MPZL1: variants seen among roughly 807,000 people sequenced by gnomAD.
The protein encoded by MPZL1 is myelin protein zero like 1.
MPZL1 carries 16 observed loss-of-function variants against 29.3 expected under a neutral mutation model. The observed-to-expected ratio is 0.55, with a 90% CI of 0.37 to 0.83. The LOEUF is 0.83. Among genes scored for constraint, MPZL1 ranks in the 40% least tolerant of loss-of-function variants. MPZL1 has a pLI of 0.00. For missense variants in MPZL1, 279 were observed against 332.9 expected, an observed-to-expected ratio of 0.84 and a Z score of 1.26; for synonymous variants, 143 against 132.0, an observed-to-expected ratio of 1.08 and a Z score of -0.57.
In MPZL1 at chr1:167,772,412, C is replaced by T; in HGVS notation, c.396C>T (p.Thr132=). The T allele has an allele frequency of 4.3e-6, 7 of 1,614,130 alleles. No individual in the cohort carries two copies. Among genetic ancestry groups the T allele is most frequent in the Non-Finnish European group, 5.9e-6 (7 of 1,179,992 alleles). Residue 132 remains threonine (T), a synonymous_variant, in exon 3 of 6, where the codon ACC becomes ACT. Coordinates refer to ENST00000359523, the MANE Select transcript of MPZL1 (RefSeq NM_003953.6). ...IENMQFIHNG[T]YICDVKNPPD... ...ATATGCAGTTTATACACAATGGCAC[C>T]TATATCTGTGATGTCAAAAACCCTC...
At chr1:167,739,322 T>TACA (rs1491460804) in intron 1 of MPZL1, among the ~76,000 whole-genome samples, 2 of 139,566 alleles carry the variant, frequency 1.4e-5, no homozygotes, top group East Asian at 2.0e-4. Flanking sequence ...CATATATATA[T>TACA]TTATGTTTAT....
Position 167,722,173 on chromosome 1 carries a change from G to T in MPZL1, c.22G>T (p.Gly8Trp). The change falls in exon 1 of 6, where the codon GGG becomes TGG. Residue 8 changes from glycine (G) to tryptophan (W), a missense_variant. Coordinates refer to ENST00000359523, the MANE Select transcript of MPZL1 (RefSeq NM_003953.6). MAASAGA[G>W]AVIAAPDSRR... is the part of the protein sequence containing the mutation. ...GACGATGGCAGCGTCCGCCGGAGCC[G>T]GGGCGGTGATTGCAGCCCCAGACAG... 8.1e-7 allele frequency: 1 copy of T among 1,237,456 alleles called. No individual in the cohort carries two copies. 76.7% of individuals were successfully genotyped at this position (1,237,456 alleles called of 1,614,324 possible). A position where few individuals can be genotyped will look rare whatever the true frequency, so the allele number is the denominator to read the frequency against.
chr1:167,726,873 C>A (rs1432840165), intron 1 of MPZL1, among the ~76,000 whole-genome samples: 1 of 152,176 alleles, frequency 6.6e-6, no homozygotes, highest in Non-Finnish European at 1.5e-5. Context: ...TGAACACCTA[C>A]TGGGCACAAG....
intron 1 of MPZL1, among the ~76,000 whole-genome samples, chr1:167,740,429 C>T (rs1265557175): frequency 6.6e-6 from 1 of 152,204 alleles, no homozygotes; most frequent in Non-Finnish European, 1.5e-5. Context: ...ATTAGTTCTT[C>T]CCTATAGCCA....
chr1:167,780,129 G>A (rs1007888329), intron 5 of MPZL1, among the ~76,000 whole-genome samples: 6 of 151,876 alleles, frequency 4.0e-5, no homozygotes, highest in Admixed American at 2.0e-4. Context: ...AAACTTTAAT[G>A]TAATCATTTC....
At chr1:167,781,445 T>C (rs1395591462) in intron 5 of MPZL1, among the ~76,000 whole-genome samples, 1 of 152,082 alleles carries the variant, frequency 6.6e-6, no homozygotes, top group Non-Finnish European at 1.5e-5. Context: ...AACAGAAAGA[T>C]ACCTGGAAAG....
intron 1 of MPZL1, among the ~76,000 whole-genome samples, chr1:167,763,403 C>T (rs1227249876): frequency 6.6e-6 from 1 of 151,510 alleles, no homozygotes; most frequent in African/African-American, 2.4e-5. Flanking sequence ...GTAATCCCAG[C>T]TACTCGGGAG....
chr1:167,783,568 T>C (rs774728216), intron 5 of MPZL1, among the ~76,000 whole-genome samples: 17 of 152,250 alleles, frequency 1.1e-4, no homozygotes, highest in Non-Finnish European at 2.1e-4. Context: ...AAGAAGTAGT[T>C]ATGTGCGTTT....
rs1661283163 is a variant in MPZL1, at chr1:167,772,965, C to T, written c.473-271C>T. ...AGTCTGTTTTGTTGGAGAGTAGATC[C>T]AGGTAAATTCACACCTCCGGTTTTT... On this transcript the variant is annotated intron_variant, in intron 3 of 5. Transcript: ENST00000359523. Among the ~76,000 whole-genome samples, 3 of 152,104 alleles carry T rather than the reference C, an allele frequency of 2.0e-5. No individual in the cohort carries two copies. In the South Asian group the frequency reaches 6.2e-4, roughly 31 times the overall value.
rs146915223 is a variant in MPZL1 at position 167,732,309 on chromosome 1, G to A, written c.91+10067G>A. Among the ~76,000 whole-genome samples the A allele has an allele frequency of 3.6e-3, 555 of 152,278 alleles. 5 individuals carry two copies. The highest frequency in any genetic ancestry group is 0.013 in the African/African-American group (521 of 41,546). ...CAACATGGCAAAACTGCATCTTTGG[G>A]AAGATTGCTTAGGAGTGGAGGCTGA... On this transcript the variant is annotated intron_variant, in intron 1 of 5. Transcript: ENST00000359523.
At chr1:167,770,725 C>T (rs1661221659) in intron 2 of MPZL1, among the ~76,000 whole-genome samples, 1 of 152,216 alleles carries the variant, frequency 6.6e-6, no homozygotes, top group South Asian at 2.1e-4. Flanking sequence ...ACTGGAAGAA[C>T]ATTGGCTTTG....
intron 5 of MPZL1, among the ~76,000 whole-genome samples, chr1:167,777,686 C>A (rs2101794684): frequency 6.6e-6 from 1 of 152,268 alleles, no homozygotes; most frequent in East Asian, 1.9e-4. Context: ...CTCTCTGAAA[C>A]CAGGGGAAGA....
intron 1 of MPZL1, among the ~76,000 whole-genome samples, chr1:167,729,493 T>C (rs1660221345): frequency 1.3e-5 from 2 of 152,206 alleles, no homozygotes; most frequent in African/African-American, 2.4e-5. Flanking sequence ...CAGTGTCTAA[T>C]AGTTATTCTC....
intron 1 of MPZL1, among the ~76,000 whole-genome samples, chr1:167,739,266 CATATATACATATATACATATATATATAT>C (rs879597855): frequency 0.014 from 1,354 of 97,166 alleles, 29 homozygotes; most frequent in Non-Finnish European, 0.017. Context: ...CATACACATA[CATATATACATATATACATATATATATAT>C]ATATATATAT....
rs1015310760 is a variant in MPZL1, at chr1:167,789,916, C to T, written c.*1995C>T. Reference sequence around the variant, plus strand: ...AACTATAGGAGCCTTTGGAAGGCCTCTTATGTTTGGAGGGGAAGGGTGTTG... The same window carrying T: ...AACTATAGGAGCCTTTGGAAGGCCTTTTATGTTTGGAGGGGAAGGGTGTTG... On this transcript the variant is annotated 3_prime_UTR_variant, in exon 6 of 6. Coordinates refer to ENST00000359523, the MANE Select transcript of MPZL1 (RefSeq NM_003953.6). 2 of 152,096 alleles carry T rather than the reference C, an allele frequency of 1.3e-5. No homozygotes were observed. The highest frequency in any genetic ancestry group is 4.8e-5 in the African/African-American group (2 of 41,402). 9.4% of individuals were successfully genotyped at this position (152,096 alleles called of 1,614,324 possible).
Position 167,772,289 on chromosome 1 carries a change from C to A in MPZL1, c.273C>A (p.Ser91=). 6.2e-7 allele frequency: 1 copy of A among 1,613,498 alleles called. No homozygotes were observed. Among genetic ancestry groups the A allele is most frequent in the Non-Finnish European group, 8.5e-7 (1 of 1,179,602 alleles). ...TCTAATTGCAGTTTTTCCACTACTC[C>A]CAAGGGCAAGTGTACCTTGGGAATT... ...ADTTVSFFHY[S]QGQVYLGNYP... is the part of the protein sequence containing the mutation. Residue 91 remains serine, a synonymous_variant, in exon 3 of 6, where the codon TCC becomes TCA. Transcript: ENST00000359523.
intron 4 of MPZL1, among the ~76,000 whole-genome samples, chr1:167,774,392 T>G (rs1392085598): frequency 1.3e-5 from 2 of 152,184 alleles, no homozygotes; most frequent in African/African-American, 2.4e-5. Flanking sequence ...TGGTGGATGG[T>G]GGGAACCTCT....
intron 1 of MPZL1, among the ~76,000 whole-genome samples, chr1:167,725,589 G>A (rs1175677189): frequency 1.1e-4 from 16 of 152,152 alleles, no homozygotes; most frequent in African/African-American, 3.6e-4. Flanking sequence ...TGGTTCAAGC[G>A]ATTCTCCTGC....
At chr1:167,730,579 A>G (rs1397577805) in intron 1 of MPZL1, among the ~76,000 whole-genome samples, 1 of 152,078 alleles carries the variant, frequency 6.6e-6, no homozygotes, top group African/African-American at 2.4e-5. Flanking sequence ...ATGTCAGCTG[A>G]TGTGGTTCTT....
Sources: gnomAD v4.1 joint callset for allele counts (sites outside exome capture counted in the v4.1 genomes callset) on GRCh38, gnomAD v4.1.1 for gene constraint, MANE v1.5 for transcripts, NCBI Gene and HGNC (gene_info 2026-07-23, HGNC 2026-07-21) for gene names.